Variants in NXPE2 observed in about 807,000 individuals in gnomAD.
NXPE2 encodes NXPE family member 2.
NXPE2 carries 34 observed loss-of-function variants against 34.4 expected under a neutral mutation model. That is an observed-to-expected ratio of 0.99 (90% CI 0.75 to 1.31). The LOEUF (loss-of-function observed/expected upper bound fraction) is 1.31. NXPE2 is among the 40% of genes most tolerant of loss of function. The pLI is 0.00. For missense variants in NXPE2, 649 were observed against 672.5 expected (o/e 0.97, Z 0.39); for synonymous variants, 235 against 231.3 (o/e 1.02, Z -0.15).
At chr11:114,610,277 C>A in the NXPE2 span, among the ~76,000 whole-genome samples, 1 of 148,570 alleles carries the variant, frequency 6.7e-6, no homozygotes, top group South Asian at 2.1e-4. Context: ...TGTTGCCTAC[C>A]CGGTGGATAA....
chr11:114,632,758 C>T, the NXPE2 span, among the ~76,000 whole-genome samples: 5 of 4,006 alleles, frequency 1.2e-3, no homozygotes, highest in African/African-American at 1.8e-3. Flanking sequence ...TATAATATAT[C>T]ATATATTATA....
the NXPE2 span, among the ~76,000 whole-genome samples, chr11:114,737,350 G>A: frequency 6.6e-6 from 1 of 152,048 alleles, no homozygotes; most frequent in Middle Eastern, 3.2e-3. Context: ...GGTAGAGATG[G>A]GTTTGGGGCA....
At chr11:114,564,949 G>A in the NXPE2 span, among the ~76,000 whole-genome samples, 1 of 152,056 alleles carries the variant, frequency 6.6e-6, no homozygotes, top group Non-Finnish European at 1.5e-5. Flanking sequence ...TACTTTCCAG[G>A]CAGGAAAAAA....
the NXPE2 span, among the ~76,000 whole-genome samples, chr11:114,739,143 C>T: frequency 1.3e-5 from 2 of 152,178 alleles, no homozygotes; most frequent in Admixed American, 1.3e-4. Flanking sequence ...TGCACCACAC[C>T]AGCAGATGGC....
the NXPE2 span, among the ~76,000 whole-genome samples, chr11:114,496,929 C>T: frequency 6.6e-6 from 1 of 152,124 alleles, no homozygotes; most frequent in African/African-American, 2.4e-5. Context: ...GTATAACATA[C>T]ACAATTATGT....
At chr11:114,693,473 C>G (rs1951191066) in intron 2 of NXPE2, among the ~76,000 whole-genome samples, 1 of 152,200 alleles carries the variant, frequency 6.6e-6, no homozygotes, top group Non-Finnish European at 1.5e-5. Flanking sequence ...ATGTCCCAGA[C>G]TGTCCACGTC....
intron 2 of NXPE2, among the ~76,000 whole-genome samples, chr11:114,696,025 A>G (rs889149159): frequency 3.3e-5 from 5 of 151,594 alleles, no homozygotes; most frequent in Non-Finnish European, 7.4e-5. Flanking sequence ...CTCGATTAAG[A>G]AAAAAAAGAA....
At chr11:114,664,155 A>G in the NXPE2 span, among the ~76,000 whole-genome samples, 5 of 152,218 alleles carry the variant, frequency 3.3e-5, no homozygotes, top group African/African-American at 9.6e-5. Context: ...ACAAGCTGGG[A>G]TATATCCATA....
the NXPE2 span, among the ~76,000 whole-genome samples, chr11:114,611,674 C>T: frequency 6.6e-6 from 1 of 151,898 alleles, no homozygotes; most frequent in African/African-American, 2.4e-5. Flanking sequence ...TACGTGTTGC[C>T]TCGTGGGTAA....
chr11:114,702,605 G>A (rs766793054), intron 3 of NXPE2, among the ~76,000 whole-genome samples: 3 of 152,144 alleles, frequency 2.0e-5, no homozygotes, highest in African/African-American at 4.8e-5. Context: ...AAAATACTCT[G>A]GAGTGACTAT....
chr11:114,470,173 T>A, the NXPE2 span, among the ~76,000 whole-genome samples: 7 of 152,200 alleles, frequency 4.6e-5, no homozygotes, highest in African/African-American at 1.7e-4. Flanking sequence ...CAAGTCTTTG[T>A]ATGGACATAT....
chr11:114,523,096 T>TAACA, the NXPE2 span: 1 of 1,601,668 alleles, frequency 6.2e-7, no homozygotes, highest in Non-Finnish European at 8.6e-7. Flanking sequence ...CTCTCTCTGG[T>TAACA]AACAAAGACA....
the NXPE2 span, among the ~76,000 whole-genome samples, chr11:114,512,331 T>C: frequency 3.3e-5 from 5 of 152,322 alleles, no homozygotes; most frequent in African/African-American, 9.6e-5. Context: ...TCCCCCTGTC[T>C]AATTCCCAGC....
chr11:114,580,282 T>G, the NXPE2 span: 1 of 1,614,092 alleles, frequency 6.2e-7, no homozygotes, highest in Non-Finnish European at 8.5e-7. Flanking sequence ...ACATGCCCAC[T>G]GGGGATTGTG....
chr11:114,688,280 G>T (rs565594726), intron 2 of NXPE2, among the ~76,000 whole-genome samples: 3 of 152,042 alleles, frequency 2.0e-5, no homozygotes, highest in Non-Finnish European at 2.9e-5. Flanking sequence ...TTTGTTGAAG[G>T]TTTTTTATCA....
chr11:114,550,346 A>G, the NXPE2 span, among the ~76,000 whole-genome samples: 1 of 152,170 alleles, frequency 6.6e-6, no homozygotes, highest in Non-Finnish European at 1.5e-5. Context: ...AAATCTTTGT[A>G]ATTAAAGTAG....
At chr11:114,501,596 A>G in the NXPE2 span, among the ~76,000 whole-genome samples, 2 of 152,188 alleles carry the variant, frequency 1.3e-5, no homozygotes, top group Non-Finnish European at 2.9e-5. Context: ...GTTCAAATAT[A>G]GTGACTTAAA....
the NXPE2 span, among the ~76,000 whole-genome samples, chr11:114,550,424 A>C: frequency 6.6e-6 from 1 of 152,168 alleles, no homozygotes; most frequent in Non-Finnish European, 1.5e-5. Flanking sequence ...ACCTCATTAT[A>C]TATACAAATT....
chr11:114,698,260 C>T lies in NXPE2; in HGVS notation c.348C>T (p.Ile116=), dbSNP rs1277991537. The T allele has an allele frequency of 6.2e-7, 1 of 1,613,346 alleles. No homozygotes were observed. Among genetic ancestry groups the T allele is most frequent in the South Asian group, 1.1e-5 (1 of 90,926 alleles). ...TTSATHSTAT[I]LNPQDTYCRG... ...GTGCCACACACAGCACAGCCACCAT[C>T]CTCAACCCTCAAGATACGTACTGCA... is the stretch of plus-strand genomic sequence containing the variant. The change falls in exon 3 of 6, where the codon ATC becomes ATT. Residue 116 remains isoleucine (I), a synonymous_variant. Coordinates refer to ENST00000389586, the MANE Select transcript of NXPE2 (RefSeq NM_182495.6).
Sources: allele counts gnomAD v4.1 joint callset (sites outside exome capture counted in the v4.1 genomes callset), GRCh38; gene constraint gnomAD v4.1.1; transcripts MANE v1.5; gene names NCBI Gene and HGNC (gene_info 2026-07-23, HGNC 2026-07-21).